The following RCAN2 variants were observed in gnomAD, a reference collection of about 807,000 sequenced individuals.
RCAN2 encodes regulator of calcineurin 2.
A neutral mutation model predicts 23.6 loss-of-function variants in RCAN2; 9 were observed. The observed-to-expected ratio is 0.38, with a 90% CI of 0.23 to 0.67. The LOEUF is 0.67. Among genes scored for constraint, RCAN2 ranks in the 30% least tolerant of loss-of-function variants. The pLI, the probability that RCAN2 is intolerant of heterozygous loss-of-function variation, is 0.51. For synonymous variants in RCAN2, 109 were observed against 115.7 expected (o/e 0.94, Z 0.37); for missense variants, 273 against 302.3 (o/e 0.90, Z 0.72).
At chr6:46,342,301 C>G (rs753565212) in intron 2 of RCAN2, among the ~76,000 whole-genome samples, 1 of 152,076 alleles carries the variant, frequency 6.6e-6, no homozygotes, top group African/African-American at 2.4e-5. Context: ...CTGGAGTTTT[C>G]TTTGTGCTGT....
At chr6:46,262,837 T>G (rs762729162) in intron 2 of RCAN2, among the ~76,000 whole-genome samples, 5 of 152,196 alleles carry the variant, frequency 3.3e-5, no homozygotes, top group Non-Finnish European at 7.3e-5. Context: ...CCTGCAAGCC[T>G]TCTCATTTGC....
At chr6:46,296,995 ACTT>A (rs1762745429) in intron 2 of RCAN2, among the ~76,000 whole-genome samples, 2 of 152,120 alleles carry the variant, frequency 1.3e-5, no homozygotes, top group African/African-American at 4.8e-5. Flanking sequence ...ACTCGAAATT[ACTT>A]CTTCATTTTC....
intron 2 of RCAN2, among the ~76,000 whole-genome samples, chr6:46,389,881 T>C (rs1476134619): frequency 2.6e-5 from 4 of 152,106 alleles, no homozygotes; most frequent in Non-Finnish European, 4.4e-5. Flanking sequence ...TGGAATAAAG[T>C]CTAAAGGAAG....
At chr6:46,257,972 G>T (rs186309955) in intron 2 of RCAN2, among the ~76,000 whole-genome samples, 1 of 152,194 alleles carries the variant, frequency 6.6e-6, no homozygotes, top group South Asian at 2.1e-4. Flanking sequence ...ACAGCTACTA[G>T]GGAAGTCCAC....
chr6:46,420,985 C>T (rs192574417), intron 2 of RCAN2, among the ~76,000 whole-genome samples: 20 of 152,292 alleles, frequency 1.3e-4, no homozygotes, highest in Non-Finnish European at 2.1e-4. Flanking sequence ...GATGTCATCC[C>T]TGGTTACAGG....
At chr6:46,430,641 CG>C (rs1767169584) in intron 2 of RCAN2, among the ~76,000 whole-genome samples, 1 of 152,150 alleles carries the variant, frequency 6.6e-6, no homozygotes, top group South Asian at 2.1e-4. Context: ...GCCTTCTCAT[CG>C]GGAATGTGGA....
At chr6:46,285,009 G>C (rs937899391) in intron 2 of RCAN2, among the ~76,000 whole-genome samples, 6 of 152,106 alleles carry the variant, frequency 3.9e-5, no homozygotes, top group African/African-American at 1.4e-4. Flanking sequence ...GGTAGCATTT[G>C]ATTATACACT....
intron 2 of RCAN2, among the ~76,000 whole-genome samples, chr6:46,383,152 T>C (rs558335256): frequency 2.7e-4 from 40 of 150,506 alleles, no homozygotes; most frequent in African/African-American, 9.5e-4. Flanking sequence ...AAGGAAAAGA[T>C]TCGTGCAGCC....
chr6:46,315,819 A>G (rs910354015), intron 2 of RCAN2, among the ~76,000 whole-genome samples: 1 of 152,178 alleles, frequency 6.6e-6, no homozygotes, highest in Non-Finnish European at 1.5e-5. Context: ...GCTACAGTGA[A>G]GATACTTCCT....
intron 2 of RCAN2, among the ~76,000 whole-genome samples, chr6:46,455,981 AC>A (rs1301050141): frequency 6.6e-6 from 1 of 152,210 alleles, no homozygotes; most frequent in East Asian, 1.9e-4. Flanking sequence ...ATCTACATCT[AC>A]AAGGGAAGGT....
intron 2 of RCAN2, among the ~76,000 whole-genome samples, chr6:46,415,965 T>C (rs1351606224): frequency 6.6e-6 from 1 of 152,212 alleles, no homozygotes; most frequent in African/African-American, 2.4e-5. Flanking sequence ...TGTAGATTAC[T>C]TATAATACTT....
intron 2 of RCAN2, among the ~76,000 whole-genome samples, chr6:46,300,891 A>G (rs567515594): frequency 3.7e-4 from 57 of 152,180 alleles, no homozygotes; most frequent in African/African-American, 1.2e-3. Context: ...AAAAAAAATG[A>G]AAACCCAAAA....
chr6:46,365,011 T>C (rs528159252), intron 2 of RCAN2, among the ~76,000 whole-genome samples: 2 of 152,286 alleles, frequency 1.3e-5, no homozygotes, highest in African/African-American at 4.8e-5. Context: ...ATCACCTTCA[T>C]GAAGACTTCC....
chr6:46,326,310 G>C (rs1277975388), intron 2 of RCAN2, among the ~76,000 whole-genome samples: 2 of 152,192 alleles, frequency 1.3e-5, no homozygotes, highest in African/African-American at 4.8e-5. Context: ...GCAGTTCATG[G>C]AAAGGAGTTA....
chr6:46,324,924 C>A (rs528058867), intron 2 of RCAN2, among the ~76,000 whole-genome samples: 1 of 152,382 alleles, frequency 6.6e-6, no homozygotes, highest in African/African-American at 2.4e-5. Context: ...TGTAGAACAG[C>A]TATTGTTTAA....
At chr6:46,231,173 C>A (rs982688993) in intron 4 of RCAN2, among the ~76,000 whole-genome samples, 5 of 152,128 alleles carry the variant, frequency 3.3e-5, no homozygotes, top group Admixed American at 3.3e-4. Context: ...ATACGACTAG[C>A]ACCCTTATAG....
intron 2 of RCAN2, among the ~76,000 whole-genome samples, chr6:46,369,752 A>G (rs1458481791): frequency 6.6e-6 from 1 of 152,256 alleles, no homozygotes; most frequent in Non-Finnish European, 1.5e-5. Flanking sequence ...CCCAGCTCTT[A>G]GACGTAGTTT....
At chr6:46,351,320 C>A (rs1043181848) in intron 2 of RCAN2, among the ~76,000 whole-genome samples, 10 of 152,194 alleles carry the variant, frequency 6.6e-5, no homozygotes, top group Non-Finnish European at 1.5e-4. Flanking sequence ...TTTGTGATAT[C>A]TGAGTTTTAA....
rs571098172 is a variant in RCAN2, at chr6:46,395,396, G to A, written c.225+61356C>T. Among the ~76,000 whole-genome samples the A allele has an allele frequency of 2.0e-5, 3 of 152,236 alleles. No individual in the cohort carries two copies. The East Asian group carries it at 5.8e-4, about 29-fold the overall frequency. ...GAGTCCTAAGAACCAAATGAAGAAG[G>A]TTTCAACAAAGGACGAACAACCCAT... On this transcript the variant is annotated intron_variant, in intron 2 of 4. Coordinates refer to ENST00000371374, the MANE Select transcript of RCAN2 (RefSeq NM_001251974.2).
Sources: allele counts gnomAD v4.1 joint callset (sites outside exome capture counted in the v4.1 genomes callset), GRCh38; gene constraint gnomAD v4.1.1; transcripts MANE v1.5; gene names NCBI Gene and HGNC (gene_info 2026-07-23, HGNC 2026-07-21).